Variants in AUTS2 observed in about 807,000 individuals in gnomAD.
AUTS2 encodes autism susceptibility gene 2 protein.
A neutral mutation model predicts 112.4 loss-of-function variants in AUTS2; 17 were observed. The observed-to-expected ratio is 0.15, with a 90% CI of 0.10 to 0.23. The LOEUF is 0.23. Among genes scored for constraint, AUTS2 ranks in the 10% least tolerant of loss-of-function variants. AUTS2 has a pLI of 1.00. For synonymous variants in AUTS2, 751 were observed against 702.7 expected, an observed-to-expected ratio of 1.07 and a Z score of -1.09; for missense variants, 1,510 against 1,701.6, an observed-to-expected ratio of 0.89 and a Z score of 1.98.
chr7:69,761,913 A>G (rs1788201135), intron 1 of AUTS2, among the ~76,000 whole-genome samples: 1 of 152,204 alleles, frequency 6.6e-6, no homozygotes, highest in African/African-American at 2.4e-5. Context: ...GCCTTTATTG[A>G]ATGATGAATG....
intron 5 of AUTS2, among the ~76,000 whole-genome samples, chr7:70,583,131 G>A (rs761918340): frequency 6.6e-6 from 1 of 152,220 alleles, no homozygotes; most frequent in Non-Finnish European, 1.5e-5. Context: ...GCTGCCCGTG[G>A]ATTAGCCTAG....
intron 6 of AUTS2, among the ~76,000 whole-genome samples, chr7:70,717,886 C>T (rs1312251332): frequency 6.6e-6 from 1 of 152,186 alleles, no homozygotes; most frequent in Non-Finnish European, 1.5e-5. Context: ...CACTCACTTC[C>T]CGAGTGCTCT....
intron 1 of AUTS2, among the ~76,000 whole-genome samples, chr7:69,652,735 G>T (rs767735987): frequency 1.3e-5 from 2 of 152,138 alleles, no homozygotes; most frequent in East Asian, 3.8e-4. Flanking sequence ...GGGGAAAAGT[G>T]TAAGAAATTT....
chr7:70,536,970 G>C (rs1800350212), intron 5 of AUTS2, among the ~76,000 whole-genome samples: 1 of 152,126 alleles, frequency 6.6e-6, no homozygotes, highest in Non-Finnish European at 1.5e-5. Context: ...TAGAGTATTA[G>C]ATGTATGGCT....
intron 5 of AUTS2, among the ~76,000 whole-genome samples, chr7:70,454,518 C>G (rs533005437): frequency 6.6e-6 from 1 of 152,090 alleles, no homozygotes; most frequent in Admixed American, 6.5e-5. Context: ...CCCTGGGTAA[C>G]AAGAGTGAAA....
chr7:70,545,050 A>G (rs566481532), intron 5 of AUTS2, among the ~76,000 whole-genome samples: 79 of 152,148 alleles, frequency 5.2e-4, no homozygotes, highest in Non-Finnish European at 1.1e-3. Context: ...CCCTTCCTTC[A>G]TCCTAGCTCT....
chr7:70,649,589 T>C (rs1806381361), intron 5 of AUTS2, among the ~76,000 whole-genome samples: 1 of 151,990 alleles, frequency 6.6e-6, no homozygotes. Flanking sequence ...AGTGCAGTAG[T>C]GCGATCTTGG....
chr7:69,715,472 C>T (rs1682320007), intron 1 of AUTS2, among the ~76,000 whole-genome samples: 1 of 152,146 alleles, frequency 6.6e-6, no homozygotes, highest in Non-Finnish European at 1.5e-5. Flanking sequence ...CCTTGGTTCA[C>T]AGACAGGGAA....
chr7:69,609,792 G>A (rs1792930704), intron 1 of AUTS2, among the ~76,000 whole-genome samples: 1 of 152,178 alleles, frequency 6.6e-6, no homozygotes, highest in African/African-American at 2.4e-5. Context: ...TCTGTTCATT[G>A]CTGAACCAGA....
intron 5 of AUTS2, among the ~76,000 whole-genome samples, chr7:70,696,800 A>G (rs1308510212): frequency 1.3e-5 from 2 of 152,198 alleles, no homozygotes; most frequent in Non-Finnish European, 2.9e-5. Flanking sequence ...GGCCAATTAG[A>G]GTCACTTTAA....
intron 4 of AUTS2, among the ~76,000 whole-genome samples, chr7:70,300,051 G>C (rs963304977): frequency 6.6e-6 from 1 of 152,098 alleles, no homozygotes; most frequent in African/African-American, 2.4e-5. Context: ...CATATGAATA[G>C]TCCACTGCAT....
intron 4 of AUTS2, among the ~76,000 whole-genome samples, chr7:70,154,303 GA>G (rs1223877108): frequency 6.6e-6 from 1 of 152,200 alleles, no homozygotes; most frequent in African/African-American, 2.4e-5. Flanking sequence ...CAGCAAAAAT[GA>G]GAGAGGAAAA....
At position 70,753,798 on chromosome 7, in the gene AUTS2, G is replaced by A. The variant is rs530615851; in HGVS notation, c.743-9072G>A. On this transcript the variant is annotated intron_variant, in intron 6 of 18. Coordinates refer to ENST00000342771, the MANE Select transcript of AUTS2 (RefSeq NM_015570.4). ...TGGGGTTTTAATACGTATATACAAT[G>A]TGCAGTCTTTGCTTAAAAAGAGATT... is the stretch of plus-strand genomic sequence containing the variant. Among the ~76,000 whole-genome samples the A allele has an allele frequency of 2.5e-3, 380 of 152,312 alleles. 5 individuals carry two copies. The highest frequency in any genetic ancestry group is 7.5e-3 in the African/African-American group (313 of 41,572).
Position 70,785,987 on chromosome 7 carries a change from C to T in AUTS2, c.2257C>T (p.Leu753=). The T allele has an allele frequency of 6.2e-7, 1 of 1,614,174 alleles. No homozygotes were observed. Among genetic ancestry groups the T allele is most frequent in the Non-Finnish European group, 8.5e-7 (1 of 1,180,022 alleles). ...TAATCGGCCGTCTACATTCACAGGC[C>T]TAGCAGCAGTTGGTGGCAATGCCTT... is the stretch of plus-strand genomic sequence containing the variant. The part of the protein sequence containing the change: ...PFNRPSTFTG[L]AAVGGNAFGG... The change falls in exon 17 of 19, where the codon CTA becomes TTA. Residue 753 remains leucine (L), a synonymous_variant. Coordinates refer to ENST00000342771, the MANE Select transcript of AUTS2 (RefSeq NM_015570.4).
chr7:69,914,348 C>CAG (rs1562965519), intron 2 of AUTS2, among the ~76,000 whole-genome samples: 6 of 124,660 alleles, frequency 4.8e-5, no homozygotes, highest in African/African-American at 1.9e-4. Context: ...CACAGACACA[C>CAG]ACACACAGAC....
At chr7:69,927,451 A>G (rs74758199) in intron 2 of AUTS2, among the ~76,000 whole-genome samples, 173 of 152,174 alleles carry the variant, frequency 1.1e-3, no homozygotes, top group African/African-American at 3.9e-3. Context: ...TAAAAAAAAA[A>G]TCTTGTATAT....
intron 5 of AUTS2, among the ~76,000 whole-genome samples, chr7:70,531,947 G>C (rs927708476): frequency 6.6e-6 from 1 of 152,190 alleles, no homozygotes; most frequent in Admixed American, 6.5e-5. Flanking sequence ...ATCTCTGCTG[G>C]CTTCTGTCAG....
chr7:69,834,203 G>A (rs374434991), intron 1 of AUTS2, among the ~76,000 whole-genome samples: 1 of 152,048 alleles, frequency 6.6e-6, no homozygotes. Context: ...CGTTTTCTGT[G>A]GGCTTAGGAA....
At chr7:70,217,899 A>G (rs1277074706) in intron 4 of AUTS2, among the ~76,000 whole-genome samples, 1 of 152,186 alleles carries the variant, frequency 6.6e-6, no homozygotes, top group African/African-American at 2.4e-5. Context: ...GTATTAAATC[A>G]CTTCCTACAG....
Sources: allele counts gnomAD v4.1 joint callset (sites outside exome capture counted in the v4.1 genomes callset), GRCh38; gene constraint gnomAD v4.1.1; transcripts MANE v1.5; gene names NCBI Gene and HGNC (gene_info 2026-07-23, HGNC 2026-07-21).